PDLIM5: variants seen among roughly 807,000 people sequenced by gnomAD.
PDLIM5 encodes PDZ and LIM domain protein 5.
Under a neutral mutation model 64.2 loss-of-function variants are expected in PDLIM5, and 34 were observed. The observed-to-expected ratio is 0.53, with a 90% confidence interval of 0.40 to 0.71. The LOEUF is 0.71. Ranked by LOEUF, PDLIM5 falls within the 30% of genes least tolerant of loss-of-function variation. PDLIM5 has a pLI of 0.00. For synonymous variants in PDLIM5, 253 were observed against 269.1 expected (o/e 0.94, Z 0.59); for missense variants, 683 against 733.6 (o/e 0.93, Z 0.80).
intron 6 of PDLIM5, among the ~76,000 whole-genome samples, 160 bp from the exon 7 acceptor site, chr4:94,586,248 A>G (rs577339934): frequency 2.8e-4 from 42 of 152,338 alleles, no homozygotes; most frequent in African/African-American, 1.0e-3. Flanking sequence ...TAGTAGTTGT[A>G]CTAACTATAG....
intron 2 of PDLIM5, among the ~76,000 whole-genome samples, chr4:94,504,325 G>A (rs1343038077): frequency 6.6e-6 from 1 of 150,986 alleles, no homozygotes; most frequent in Non-Finnish European, 1.5e-5. Context: ...GTGTCACTCT[G>A]TCACCAGGTT....
At chr4:94,643,267 T>G (rs1741145812) in intron 9 of PDLIM5, among the ~76,000 whole-genome samples, 1 of 152,328 alleles carries the variant, frequency 6.6e-6, no homozygotes, top group South Asian at 2.1e-4. Flanking sequence ...TATGGAGACA[T>G]TACTTTGACT....
At chr4:94,498,550 T>G (rs893221007) in intron 2 of PDLIM5, among the ~76,000 whole-genome samples, 1 of 152,254 alleles carries the variant, frequency 6.6e-6, no homozygotes, top group African/African-American at 2.4e-5. Flanking sequence ...GAAATTTTAC[T>G]AATTATTTAA....
At chr4:94,553,892 G>A (rs1733031751) in intron 3 of PDLIM5, among the ~76,000 whole-genome samples, 2 of 152,262 alleles carry the variant, frequency 1.3e-5, no homozygotes, top group South Asian at 4.1e-4. Flanking sequence ...TGTGGGAAAT[G>A]TGAAAATATT....
At chr4:94,606,129 A>G (rs527746600) in intron 7 of PDLIM5, among the ~76,000 whole-genome samples, 1 of 152,314 alleles carries the variant, frequency 6.6e-6, no homozygotes, top group Non-Finnish European at 1.5e-5. Flanking sequence ...GAAAAAATAA[A>G]TTTCAAGCTT....
At chr4:94,615,065 T>A (rs572471285) in intron 7 of PDLIM5, among the ~76,000 whole-genome samples, 1 of 152,332 alleles carries the variant, frequency 6.6e-6, no homozygotes, top group African/African-American at 2.4e-5. Flanking sequence ...TGCTGGGCAC[T>A]GTGCTAAGTA....
chr4:94,633,344 C>CTAG (rs2110438180), intron 8 of PDLIM5, among the ~76,000 whole-genome samples: 1 of 152,156 alleles, frequency 6.6e-6, no homozygotes, highest in South Asian at 2.1e-4. Flanking sequence ...TTTTTAAATT[C>CTAG]TAGAATCATT....
chr4:94,559,744 A>G (rs1387862720), intron 3 of PDLIM5, among the ~76,000 whole-genome samples: 1 of 152,156 alleles, frequency 6.6e-6, no homozygotes, highest in Non-Finnish European at 1.5e-5. Context: ...TGGTCTATGA[A>G]TGCAGCTGCT....
At chr4:94,546,395 G>T (rs1445664669) in intron 3 of PDLIM5, among the ~76,000 whole-genome samples, 1 of 152,024 alleles carries the variant, frequency 6.6e-6, no homozygotes, top group African/African-American at 2.4e-5. Flanking sequence ...GGAAGTAACA[G>T]TATAAAAAAG....
At chr4:94,602,121 C>T (rs1737551223) in intron 7 of PDLIM5, among the ~76,000 whole-genome samples, 1 of 152,092 alleles carries the variant, frequency 6.6e-6, no homozygotes, top group Non-Finnish European at 1.5e-5. Context: ...TGTCATTTTC[C>T]TCCTTTACCT....
intron 8 of PDLIM5, among the ~76,000 whole-genome samples, chr4:94,628,704 A>C (rs11723532): frequency 6.6e-6 from 1 of 151,872 alleles, no homozygotes; most frequent in Non-Finnish European, 1.5e-5. Flanking sequence ...CTTTCGTGTG[A>C]CTTTGGAAGT....
At chr4:94,627,260 G>A (rs564906857) in intron 8 of PDLIM5, among the ~76,000 whole-genome samples, 1 of 152,060 alleles carries the variant, frequency 6.6e-6, no homozygotes, top group Non-Finnish European at 1.5e-5. Flanking sequence ...GTAGATTTTT[G>A]TTTCTGATTC....
chr4:94,495,330 A>G (rs142408123), intron 2 of PDLIM5, among the ~76,000 whole-genome samples: 4 of 152,338 alleles, frequency 2.6e-5, no homozygotes, highest in South Asian at 2.1e-4. Context: ...GTTTTATACT[A>G]TCTAATGACA....
intron 7 of PDLIM5, among the ~76,000 whole-genome samples, chr4:94,602,195 G>A (rs1040162746): frequency 6.6e-6 from 1 of 152,054 alleles, no homozygotes; most frequent in Non-Finnish European, 1.5e-5. Flanking sequence ...CGTCGTGTGG[G>A]TATGTAATAA....
intron 5 of PDLIM5, among the ~76,000 whole-genome samples, chr4:94,578,976 A>G (rs1735512288): frequency 6.6e-6 from 1 of 152,048 alleles, no homozygotes; most frequent in Non-Finnish European, 1.5e-5. Context: ...TTCCACGCAA[A>G]TTTATATAGC....
chr4:94,529,704 T>A (rs899067266), intron 3 of PDLIM5, among the ~76,000 whole-genome samples: 4 of 152,150 alleles, frequency 2.6e-5, no homozygotes, highest in African/African-American at 9.7e-5. Flanking sequence ...CTAATGAACA[T>A]AAAAGTGTGA....
intron 7 of PDLIM5, among the ~76,000 whole-genome samples, chr4:94,613,701 G>A (rs985183690): frequency 6.6e-6 from 1 of 151,914 alleles, no homozygotes; most frequent in African/African-American, 2.4e-5. Context: ...TCAGCCAAGG[G>A]TATTTATGGA....
chr4:94,490,964 A>G (rs887278785), intron 2 of PDLIM5, among the ~76,000 whole-genome samples: 1 of 152,142 alleles, frequency 6.6e-6, no homozygotes, highest in African/African-American at 2.4e-5. Flanking sequence ...ACTGTATACC[A>G]TTGTTTCTTA....
At position 94,523,894 on chromosome 4, in the gene PDLIM5, G is replaced by C. The variant is rs1338231519; in HGVS notation, c.248+19G>C. Reference sequence around the variant, plus strand: ...TGCAAAGGTAAGTTGCTTTTTGTTTGTCCCTGAAAGAGAAAACAACATTGA... The same window carrying C: ...TGCAAAGGTAAGTTGCTTTTTGTTTCTCCCTGAAAGAGAAAACAACATTGA... On this transcript the variant is annotated intron_variant, in intron 3 of 12. Transcript: ENST00000317968. 2 of 1,593,674 alleles carry C rather than the reference G, an allele frequency of 1.3e-6. No homozygotes were observed. The highest frequency in any genetic ancestry group is 1.7e-6 in the Non-Finnish European group (2 of 1,164,172).
Sources: allele counts gnomAD v4.1 joint callset (sites outside exome capture counted in the v4.1 genomes callset), GRCh38; gene constraint gnomAD v4.1.1; transcripts MANE v1.5; gene names NCBI Gene and HGNC (gene_info 2026-07-23, HGNC 2026-07-21).